Variants in TMEM132B observed in about 807,000 individuals in gnomAD.
TMEM132B encodes the protein transmembrane protein 132B.
In TMEM132B, 18 loss-of-function variants were observed where a neutral mutation model predicts 90.8. The observed-to-expected ratio is 0.20, with a 90% confidence interval of 0.14 to 0.29. The LOEUF is 0.29. TMEM132B is among the 10% of genes least tolerant of loss of function. The pLI is 1.00. For missense variants in TMEM132B, 1,096 were observed against 1,326.8 expected (o/e 0.83, Z 2.70); for synonymous variants, 504 against 523.3 (o/e 0.96, Z 0.50).
chr12:125,609,436 C>T (rs1026055597), intron 5 of TMEM132B, among the ~76,000 whole-genome samples: 1 of 152,042 alleles, frequency 6.6e-6, no homozygotes. Flanking sequence ...TTACCAATTT[C>T]TGTTAGAAAA....
intron 1 of TMEM132B, among the ~76,000 whole-genome samples, chr12:125,260,793 T>C (rs906239591): frequency 2.0e-5 from 3 of 152,184 alleles, no homozygotes; most frequent in African/African-American, 7.2e-5. Flanking sequence ...CTCACTCCTG[T>C]AACCCCAAGC....
chr12:125,439,929 G>A (rs150199947), intron 3 of TMEM132B, among the ~76,000 whole-genome samples: 1 of 152,182 alleles, frequency 6.6e-6, no homozygotes, highest in Non-Finnish European at 1.5e-5. Context: ...AGATAATCAC[G>A]TGGCTTTTGT....
intron 5 of TMEM132B, among the ~76,000 whole-genome samples, chr12:125,605,449 T>C (rs1248703286): frequency 6.6e-6 from 1 of 151,858 alleles, no homozygotes; most frequent in Admixed American, 6.6e-5. Flanking sequence ...TTCCACAGAG[T>C]GAGAAAAAGA....
chr12:125,296,455 G>A (rs1277619479), intron 1 of TMEM132B, among the ~76,000 whole-genome samples: 1 of 152,070 alleles, frequency 6.6e-6, no homozygotes, highest in African/African-American at 2.4e-5. Context: ...CCCAGATCCC[G>A]CCTCCCAGGA....
At chr12:125,447,310 A>C (rs1469969391) in intron 3 of TMEM132B, among the ~76,000 whole-genome samples, 2 of 152,148 alleles carry the variant, frequency 1.3e-5, no homozygotes, top group Non-Finnish European at 2.9e-5. Context: ...TGGAAGGATG[A>C]AATAATTAAA....
intron 4 of TMEM132B, among the ~76,000 whole-genome samples, chr12:125,562,431 G>A (rs1329649894): frequency 6.6e-6 from 1 of 152,178 alleles, no homozygotes; most frequent in Non-Finnish European, 1.5e-5. Flanking sequence ...CTTTTCCTTG[G>A]CATTCACAAC....
chr12:125,195,164 A>C (rs1040142331), intron 1 of TMEM132B, among the ~76,000 whole-genome samples: 1 of 151,946 alleles, frequency 6.6e-6, no homozygotes, highest in Non-Finnish European at 1.5e-5. Flanking sequence ...CTTCTCCGAG[A>C]CATTTTTACT....
chr12:125,316,148 G>T (rs1377434650), intron 1 of TMEM132B, among the ~76,000 whole-genome samples: 1 of 152,172 alleles, frequency 6.6e-6, no homozygotes, highest in Non-Finnish European at 1.5e-5. Context: ...TTTAGGTGTT[G>T]GAACATTCTT....
intron 2 of TMEM132B, among the ~76,000 whole-genome samples, chr12:125,360,032 C>G (rs11058151): frequency 1.3e-5 from 2 of 152,166 alleles, no homozygotes; most frequent in Non-Finnish European, 2.9e-5. Context: ...GAGCTGAGAT[C>G]GTGCCACTGT....
chr12:125,453,842 T>C (rs1881219576), intron 3 of TMEM132B, among the ~76,000 whole-genome samples: 1 of 152,182 alleles, frequency 6.6e-6, no homozygotes, highest in South Asian at 2.1e-4. Context: ...GCATGCAGGA[T>C]GCTCAGCCTG....
intron 1 of TMEM132B, among the ~76,000 whole-genome samples, chr12:125,347,945 A>C (rs1327768756): frequency 1.3e-5 from 2 of 152,254 alleles, no homozygotes; most frequent in Non-Finnish European, 2.9e-5. Flanking sequence ...TGGTTGTAAC[A>C]AATTAAAAGA....
At chr12:125,202,886 TATGAACTTGATC>T (rs1873096389) in intron 1 of TMEM132B, among the ~76,000 whole-genome samples, 1 of 152,206 alleles carries the variant, frequency 6.6e-6, no homozygotes, top group Non-Finnish European at 1.5e-5. Context: ...CTGTTTCTGA[TATGAACTTGATC>T]ATGAACTTCC....
At chr12:125,325,651 C>A (rs1257325140) in intron 1 of TMEM132B, among the ~76,000 whole-genome samples, 2 of 150,480 alleles carry the variant, frequency 1.3e-5, no homozygotes, top group African/African-American at 4.9e-5. Flanking sequence ...CTCTTGCATT[C>A]TTTCCCTGCC....
At chr12:125,188,018 G>A (rs1292653802) in intron 1 of TMEM132B, among the ~76,000 whole-genome samples, 1 of 152,192 alleles carries the variant, frequency 6.6e-6, no homozygotes, top group Admixed American at 6.5e-5. Context: ...GGCTTTCACT[G>A]TCTTGGTAAG....
chr12:125,190,613 GGTGATA>G (rs1180194078), intron 1 of TMEM132B, among the ~76,000 whole-genome samples: 4 of 109,670 alleles, frequency 3.6e-5, no homozygotes, highest in Non-Finnish European at 5.7e-5. Context: ...GGGTGGTGAT[GGTGATA>G]GTGATGGTGA....
chr12:125,355,017 T>A (rs139594983), intron 2 of TMEM132B, among the ~76,000 whole-genome samples: 1 of 151,934 alleles, frequency 6.6e-6, no homozygotes, highest in African/African-American at 2.4e-5. Flanking sequence ...GGAATTGGGG[T>A]GCAGGCCTGC....
Position 125,575,006 on chromosome 12 carries a change from T to G in TMEM132B, c.1294-8845T>G, listed in dbSNP as rs565610563. Among the ~76,000 whole-genome samples, 4 of 135,194 alleles carry G rather than the reference T, an allele frequency of 3.0e-5. No homozygotes were observed. The South Asian group carries it at 9.4e-4, about 32-fold the overall frequency. The allele number at this position is 135,194 out of a possible 152,430, so 88.7% of individuals were successfully genotyped here. A position where few individuals can be genotyped will look rare whatever the true frequency, so the allele number is the denominator to read the frequency against. ...AGGGTTGGCAACCATCAACACTAAT[T>G]CTAGAATATTTCCATCACTCCTCCA... On this transcript the variant is annotated intron_variant, in intron 4 of 8. Coordinates refer to ENST00000682704, the MANE Select transcript of TMEM132B (RefSeq NM_001366854.1).
chr12:125,307,920 TTA>T (rs1241482935), intron 1 of TMEM132B, among the ~76,000 whole-genome samples: 1 of 130,842 alleles, frequency 7.6e-6, no homozygotes, highest in African/African-American at 2.9e-5. Context: ...GTATATATAC[TTA>T]TATTACTTAA....
At chr12:125,484,342 T>C (rs181126007) in intron 3 of TMEM132B, among the ~76,000 whole-genome samples, 72 of 152,286 alleles carry the variant, frequency 4.7e-4, no homozygotes, top group Middle Eastern at 6.8e-3. Flanking sequence ...CTTCCTTTAG[T>C]AGTGGCTCCT....
Sources: gnomAD v4.1 joint callset for allele counts (sites outside exome capture counted in the v4.1 genomes callset) on GRCh38, gnomAD v4.1.1 for gene constraint, MANE v1.5 for transcripts, NCBI Gene and HGNC (gene_info 2026-07-23, HGNC 2026-07-21) for gene names.